DCDC1: variants seen among roughly 807,000 people sequenced by gnomAD.
DCDC1 encodes doublecortin domain-containing protein 1.
Under a neutral mutation model 178.3 loss-of-function variants are expected in DCDC1, and 200 were observed. That is an observed-to-expected ratio of 1.12 (90% CI 1.00 to 1.26). The LOEUF (loss-of-function observed/expected upper bound fraction) is 1.26, where lower values mean the gene tolerates loss of function less well. DCDC1 is among the 50% of genes most tolerant of loss of function. DCDC1 has a pLI of 0.00. For synonymous variants in DCDC1, 690 were observed against 604.8 expected (o/e 1.14, Z -2.07); for missense variants, 1,983 against 1,749.2 (o/e 1.13, Z -2.38).
At chr11:31,048,527 A>G (rs186456898) in intron 20 of DCDC1, among the ~76,000 whole-genome samples, 1 of 152,196 alleles carries the variant, frequency 6.6e-6, no homozygotes, top group East Asian at 1.9e-4. Context: ...AAAAGAATGG[A>G]CTCATGACAA....
chr11:31,178,114 C>T lies in DCDC1; in HGVS notation c.1222-40330G>A, dbSNP rs73461540. ...AATGGCACATGAAACATCTCCAGAACAGATCACATGTTAGGCCACAAAACA... is the reference window on the plus strand; with the variant it reads ...AATGGCACATGAAACATCTCCAGAATAGATCACATGTTAGGCCACAAAACA... On this transcript the variant is annotated intron_variant, in intron 9 of 38. Transcript: ENST00000684477. 5.6e-3 allele frequency among the ~76,000 whole-genome samples: 849 copies of T among 152,264 alleles called. 5 individuals are homozygous for T. Among genetic ancestry groups the T allele is most frequent in the African/African-American group, 0.02 (820 of 41,552 alleles).
At chr11:31,129,317 C>T (rs982418892) in intron 10 of DCDC1, among the ~76,000 whole-genome samples, 3 of 152,086 alleles carry the variant, frequency 2.0e-5, no homozygotes, top group African/African-American at 7.2e-5. Context: ...TCCTATTTTA[C>T]TTTCTTTTCC....
intron 1 of DCDC1, among the ~76,000 whole-genome samples, chr11:31,352,238 C>A (rs1362361244): frequency 6.6e-6 from 1 of 152,076 alleles, no homozygotes; most frequent in Non-Finnish European, 1.5e-5. Flanking sequence ...CATGTGCTGT[C>A]ATGGGTAAGG....
At chr11:31,155,432 G>C (rs180711272) in intron 9 of DCDC1, among the ~76,000 whole-genome samples, 5 of 152,180 alleles carry the variant, frequency 3.3e-5, no homozygotes, top group African/African-American at 1.2e-4. Context: ...CCCAAAACAT[G>C]ACCCATTTCT....
At chr11:31,121,090 GA>G (rs1223193656) in intron 11 of DCDC1, among the ~76,000 whole-genome samples, 1 of 152,102 alleles carries the variant, frequency 6.6e-6, no homozygotes, top group Non-Finnish European at 1.5e-5. Context: ...CTTGTTGCCT[GA>G]AGGGCTTTGT....
At chr11:31,179,659 A>C (rs1362620100) in intron 9 of DCDC1, among the ~76,000 whole-genome samples, 1 of 152,194 alleles carries the variant, frequency 6.6e-6, no homozygotes, top group Non-Finnish European at 1.5e-5. Flanking sequence ...AGTAGTTACC[A>C]AAGAAAATCC....
At chr11:31,305,592 G>A (rs1204903468) in intron 6 of DCDC1, 23 bp downstream of exon 6, 1 of 1,611,292 alleles carries the variant, frequency 6.2e-7, no homozygotes, top group African/African-American at 1.3e-5. Context: ...GTGGGGGTAG[G>A]GTATTTTTTA....
At chr11:30,980,991 C>A (rs1417415114) in intron 20 of DCDC1, among the ~76,000 whole-genome samples, 1 of 152,132 alleles carries the variant, frequency 6.6e-6, no homozygotes, top group Non-Finnish European at 1.5e-5. Context: ...TATATATACA[C>A]CACGAATACA....
At chr11:30,946,587 T>C (rs1054168358) in intron 21 of DCDC1, among the ~76,000 whole-genome samples, 30 of 152,180 alleles carry the variant, frequency 2.0e-4, no homozygotes, top group African/African-American at 7.0e-4. Flanking sequence ...ACTCCATCTG[T>C]TCATGATCAA....
chr11:31,366,978 T>G (rs1314349539), intron 1 of DCDC1, among the ~76,000 whole-genome samples: 1 of 152,180 alleles, frequency 6.6e-6, no homozygotes, highest in Non-Finnish European at 1.5e-5. Context: ...GCATCCTTTC[T>G]TGAGGAAGGA....
At chr11:31,077,122 A>G (rs906318934) in intron 18 of DCDC1, among the ~76,000 whole-genome samples, 2 of 152,182 alleles carry the variant, frequency 1.3e-5, no homozygotes, top group Non-Finnish European at 2.9e-5. Flanking sequence ...GGGAAACTCT[A>G]AAGCTTCTTA....
At chr11:30,872,766 C>G (rs946434871) in intron 38 of DCDC1, among the ~76,000 whole-genome samples, 1 of 152,042 alleles carries the variant, frequency 6.6e-6, no homozygotes, top group African/African-American at 2.4e-5. Flanking sequence ...GTATGTCACC[C>G]CTACCTCCCC....
chr11:30,884,202 T>A (rs1236217018), intron 36 of DCDC1, among the ~76,000 whole-genome samples: 2 of 151,722 alleles, frequency 1.3e-5, no homozygotes, highest in Non-Finnish European at 2.9e-5. Flanking sequence ...TCCGGCTAAT[T>A]TTCGTTTTTG....
chr11:31,065,717 AT>A (rs1470944852), intron 18 of DCDC1, among the ~76,000 whole-genome samples: 2 of 152,210 alleles, frequency 1.3e-5, no homozygotes, highest in African/African-American at 4.8e-5. Context: ...AAAGCAAAAA[AT>A]ATTAATGATA....
At chr11:31,015,750 A>C (rs1480555945) in intron 20 of DCDC1, among the ~76,000 whole-genome samples, 2 of 152,166 alleles carry the variant, frequency 1.3e-5, no homozygotes, top group Non-Finnish European at 2.9e-5. Flanking sequence ...TTCTCTAATA[A>C]GTTTTAATCG....
At chr11:31,105,401 C>T (rs779148969) in intron 13 of DCDC1, among the ~76,000 whole-genome samples, 9 of 151,520 alleles carry the variant, frequency 5.9e-5, no homozygotes, top group African/African-American at 9.7e-5. Flanking sequence ...CATCATTAAA[C>T]GTATCAAAAT....
At chr11:31,149,996 G>A (rs1207840723) in intron 9 of DCDC1, among the ~76,000 whole-genome samples, 2 of 152,178 alleles carry the variant, frequency 1.3e-5, no homozygotes, top group Non-Finnish European at 2.9e-5. Flanking sequence ...GTTCTTTAAG[G>A]AATCTCCATA....
intron 21 of DCDC1, among the ~76,000 whole-genome samples, chr11:30,946,920 G>A (rs776693132): frequency 6.6e-6 from 1 of 152,130 alleles, no homozygotes; most frequent in Non-Finnish European, 1.5e-5. Flanking sequence ...GCCAAGAAAG[G>A]AAATCTAACA....
chr11:31,359,053 A>T (rs558619059), intron 1 of DCDC1, among the ~76,000 whole-genome samples: 1 of 152,212 alleles, frequency 6.6e-6, no homozygotes, highest in East Asian at 1.9e-4. Context: ...GGAACTAGAA[A>T]TACCATTTGA....
Sources: allele counts gnomAD v4.1 joint callset (sites outside exome capture counted in the v4.1 genomes callset), GRCh38; gene constraint gnomAD v4.1.1; transcripts MANE v1.5; gene names NCBI Gene and HGNC (gene_info 2026-07-23, HGNC 2026-07-21).